CAMK1D: variants seen among roughly 807,000 people sequenced by gnomAD.
The protein encoded by CAMK1D is calcium/calmodulin-dependent protein kinase type 1D.
Under a neutral mutation model 47.7 loss-of-function variants are expected in CAMK1D, and 9 were observed. The ratio of observed to expected loss-of-function variants is 0.19; its 90% CI spans 0.11 to 0.33. The LOEUF is 0.33. Among genes scored for constraint, CAMK1D ranks in the 10% least tolerant of loss-of-function variants. The pLI, the probability that CAMK1D is intolerant of heterozygous loss-of-function variation, is 1.00. For synonymous variants in CAMK1D, 184 were observed against 184.9 expected (o/e 0.99, Z 0.04); for missense variants, 291 against 488.7 (o/e 0.60, Z 3.81).
At position 12,389,849 on chromosome 10, in the gene CAMK1D, G is replaced by C. The variant is rs542365064; in HGVS notation, c.92+39939G>C. Among the ~76,000 whole-genome samples, 3 of 144,022 alleles carry C rather than the reference G, an allele frequency of 2.1e-5. No individual in the cohort carries two copies. In the South Asian group the frequency reaches 6.7e-4, roughly 32 times the overall value. 94.5% of individuals were successfully genotyped at this position (144,022 alleles called of 152,430 possible). A position where few individuals can be genotyped will look rare whatever the true frequency, so the allele number is the denominator to read the frequency against. On this transcript the variant is annotated intron_variant, in intron 1 of 10. Transcript: ENST00000619168. ...GATTGTCATTTGATTTTTTTTTTTT[G>C]ATGCCTTCTGTCTGCATTTAGGTCA...
chr10:12,793,948 G>C (rs570645349), intron 6 of CAMK1D, among the ~76,000 whole-genome samples: 58 of 152,382 alleles, frequency 3.8e-4, no homozygotes, highest in African/African-American at 1.3e-3. Flanking sequence ...CCTAGTGCCA[G>C]AACAAAGAGA....
At chr10:12,511,492 C>T (rs2768449) in intron 1 of CAMK1D, among the ~76,000 whole-genome samples, 76,866 of 151,838 alleles carry the variant, frequency 0.51, 19,650 homozygotes, top group South Asian at 0.61. Context: ...ATGCTTGTGG[C>T]CCCAGCTACC....
At chr10:12,676,738 T>C (rs943071696) in intron 3 of CAMK1D, among the ~76,000 whole-genome samples, 2 of 152,042 alleles carry the variant, frequency 1.3e-5, no homozygotes, top group African/African-American at 4.8e-5. Flanking sequence ...AAAAAGAACT[T>C]CGTAGGTACC....
chr10:12,514,384 T>G (rs1450798447), intron 1 of CAMK1D, among the ~76,000 whole-genome samples: 2 of 152,166 alleles, frequency 1.3e-5, no homozygotes, highest in African/African-American at 4.8e-5. Context: ...ATTTCTAAGG[T>G]AGCACAGAGC....
intron 1 of CAMK1D, among the ~76,000 whole-genome samples, chr10:12,423,252 G>A (rs1213058414): frequency 6.6e-5 from 10 of 150,506 alleles, no homozygotes; most frequent in Non-Finnish European, 1.0e-4. Flanking sequence ...AGTGGCTCAC[G>A]CCTGTAACTC....
intron 2 of CAMK1D, among the ~76,000 whole-genome samples, chr10:12,610,047 TG>T (rs1414361383): frequency 6.6e-6 from 1 of 152,166 alleles, no homozygotes; most frequent in Non-Finnish European, 1.5e-5. Flanking sequence ...AACGGGCTCT[TG>T]GGGCAGTGTT....
chr10:12,675,811 C>G (rs2132588670), intron 3 of CAMK1D, among the ~76,000 whole-genome samples: 1 of 152,326 alleles, frequency 6.6e-6, no homozygotes, highest in Non-Finnish European at 1.5e-5. Context: ...GACTTCCTGT[C>G]CCACCTTTCT....
rs988473771 is a variant in CAMK1D at position 12,369,878 on chromosome 10, C to A, written c.92+19968C>A. ...GGCTGAGGCAGGGGAATTGCTTGAA[C>A]CTGGGAGGCGAAGGTTGCAGTGAGC... On this transcript the variant is annotated intron_variant, in intron 1 of 10. Coordinates refer to ENST00000619168, the MANE Select transcript of CAMK1D (RefSeq NM_153498.4). Among the ~76,000 whole-genome samples, 4 of 151,648 alleles carry A rather than the reference C, an allele frequency of 2.6e-5. No homozygotes were observed. In the South Asian group the frequency reaches 6.2e-4, roughly 24 times the overall value.
intron 1 of CAMK1D, among the ~76,000 whole-genome samples, chr10:12,451,879 G>A (rs1237872604): frequency 6.6e-6 from 1 of 152,076 alleles, no homozygotes; most frequent in Non-Finnish European, 1.5e-5. Flanking sequence ...GTGTCCCGGG[G>A]GCTACTCTGG....
chr10:12,752,554 G>A (rs1397894998), intron 3 of CAMK1D, among the ~76,000 whole-genome samples: 1 of 152,124 alleles, frequency 6.6e-6, no homozygotes, highest in Admixed American at 6.5e-5. Flanking sequence ...GTATTTCCAT[G>A]TAACAAGCTG....
At chr10:12,670,119 C>A (rs891292819) in intron 3 of CAMK1D, among the ~76,000 whole-genome samples, 3 of 131,964 alleles carry the variant, frequency 2.3e-5, no homozygotes, top group Non-Finnish European at 4.6e-5. Flanking sequence ...GTGGTTGTAC[C>A]GTTTTGCTTT....
chr10:12,782,645 G>A (rs1179538850), intron 5 of CAMK1D, among the ~76,000 whole-genome samples: 9 of 152,290 alleles, frequency 5.9e-5, no homozygotes, highest in Admixed American at 3.9e-4. Context: ...AGCAGGGGGG[G>A]CATCGCTTCG....
chr10:12,804,794 C>G (rs72773662), intron 6 of CAMK1D, among the ~76,000 whole-genome samples: 5,631 of 150,236 alleles, frequency 0.037, 137 homozygotes, highest in Non-Finnish European at 0.056. Flanking sequence ...AAAAATTAGC[C>G]CAGTATGGTG....
intron 3 of CAMK1D, among the ~76,000 whole-genome samples, chr10:12,699,622 A>C (rs1206210771): frequency 6.6e-6 from 1 of 151,588 alleles, no homozygotes; most frequent in African/African-American, 2.4e-5. Context: ...GTTAATCATT[A>C]GTCCTCTACA....
At chr10:12,754,890 C>T (rs898046042) in intron 3 of CAMK1D, among the ~76,000 whole-genome samples, 9 of 152,150 alleles carry the variant, frequency 5.9e-5, no homozygotes, top group Non-Finnish European at 1.3e-4. Flanking sequence ...CAAATACAGT[C>T]AGATTCTGAG....
intron 6 of CAMK1D, among the ~76,000 whole-genome samples, chr10:12,812,198 C>G (rs1222472269): frequency 6.6e-6 from 1 of 152,228 alleles, no homozygotes; most frequent in East Asian, 1.9e-4. Context: ...CAGCCTAATC[C>G]CTCGCAGTCC....
chr10:12,370,580 C>T lies in CAMK1D; in HGVS notation c.92+20670C>T, dbSNP rs116996266. On this transcript the variant is annotated intron_variant, in intron 1 of 10. Transcript: ENST00000619168. The stretch of plus-strand genomic sequence containing the variant: ...GACGGTGATATTGATGATCCCGATC[C>T]TGTGTTGAACTACGCTAATGTGTGT... 6.2e-3 allele frequency among the ~76,000 whole-genome samples: 937 copies of T among 152,174 alleles called. 6 individuals are homozygous for T. Among genetic ancestry groups the T allele is most frequent in the Admixed American group, 0.011 (164 of 15,268 alleles).
At chr10:12,383,997 G>A (rs1247921175) in intron 1 of CAMK1D, among the ~76,000 whole-genome samples, 1 of 152,164 alleles carries the variant, frequency 6.6e-6, no homozygotes, top group African/African-American at 2.4e-5. Flanking sequence ...TAATAAATGA[G>A]TTCATCAAGA....
intron 1 of CAMK1D, among the ~76,000 whole-genome samples, chr10:12,389,348 C>T (rs1400899239): frequency 6.6e-6 from 1 of 152,122 alleles, no homozygotes; most frequent in East Asian, 1.9e-4. Context: ...TTTGGGACAT[C>T]AAGGATTCTG....
Sources: gnomAD v4.1 joint callset for allele counts (sites outside exome capture counted in the v4.1 genomes callset) on GRCh38, gnomAD v4.1.1 for gene constraint, MANE v1.5 for transcripts, NCBI Gene and HGNC (gene_info 2026-07-23, HGNC 2026-07-21) for gene names.